Variants in PCDH11Y observed in about 807,000 individuals in gnomAD.
PCDH11Y encodes the protein protocadherin-11 Y-linked.
For missense variants in PCDH11Y, 12 were observed against 224.8 expected (o/e 0.05, Z 6.05); for synonymous variants, 9 against 83.6 (o/e 0.11, Z 4.87).
intron 4 of PCDH11Y, among the ~76,000 whole-genome samples, chrY:5,651,790 T>C (rs2053531457): frequency 3.3e-5 from 1 of 29,859 alleles, no homozygotes. Flanking sequence ...TGAGATTTAA[T>C]AATATATTAA....
chrY:5,021,209 G>A, intron 1 of PCDH11Y, among the ~76,000 whole-genome samples: 1 of 33,044 alleles, frequency 3.0e-5, no homozygotes, highest in Non-Finnish European at 7.5e-5. Flanking sequence ...TGATAGTAGG[G>A]AGTTTCAACT....
rs2124689345 is a variant in PCDH11Y, at chrY:5,514,370, G to C, written c.3328+13115G>C. The stretch of plus-strand genomic sequence containing the variant: ...AACCATCCAAAGTTTCCCCAGAGAT[G>C]AATAGTTTCACATCTTACAATAGCA... On this transcript the variant is annotated intron_variant, in intron 3 of 4. Coordinates refer to the PCDH11Y transcript ENST00000400457. 9.6e-5 allele frequency among the ~76,000 whole-genome samples: 3 copies of C among 31,406 alleles called. No individual in the cohort carries two copies. The East Asian group carries it at 2.5e-3, about 26-fold the overall frequency. The allele number at this position is 31,406 out of a possible 37,273, so 84.3% of individuals were successfully genotyped here.
At chrY:5,402,695 C>T (rs2124677208) in intron 2 of PCDH11Y, among the ~76,000 whole-genome samples, 1 of 17,797 alleles carries the variant, frequency 5.6e-5, no homozygotes, top group South Asian at 1.6e-3. Context: ...CTTGCTCTGT[C>T]GCCCAGGCTG....
chrY:5,451,320 A>C, intron 2 of PCDH11Y, among the ~76,000 whole-genome samples: 1 of 32,652 alleles, frequency 3.1e-5, no homozygotes, highest in Non-Finnish European at 7.6e-5. Flanking sequence ...GGAAATTTGC[A>C]TTTGTTAATT....
At chrY:5,018,640 A>G (rs765609556) in intron 1 of PCDH11Y, among the ~76,000 whole-genome samples, 640 of 30,594 alleles carry the variant, frequency 0.021, no homozygotes, top group Middle Eastern at 0.034. Context: ...TCAATCAATT[A>G]TTTTAACTGA....
intron 2 of PCDH11Y, among the ~76,000 whole-genome samples, chrY:5,244,143 A>C: frequency 3.0e-5 from 1 of 33,733 alleles, no homozygotes; most frequent in East Asian, 8.0e-4. Context: ...ATTACATGGA[A>C]ACTGAATAAC....
intron 4 of PCDH11Y, among the ~76,000 whole-genome samples, chrY:5,611,725 T>A (rs2124701008): frequency 2.2e-4 from 6 of 27,809 alleles, no homozygotes; most frequent in South Asian, 9.3e-4. Context: ...CCGGCTGCTT[T>A]GTTTACCTAA....
chrY:5,530,928 T>G (rs2053392406), intron 3 of PCDH11Y, among the ~76,000 whole-genome samples: 2 of 31,570 alleles, frequency 6.3e-5, no homozygotes, highest in Non-Finnish European at 1.5e-4. Context: ...CAAAATCACT[T>G]TGGTTTATAG....
intron 2 of PCDH11Y, among the ~76,000 whole-genome samples, chrY:5,353,715 C>T: frequency 6.2e-5 from 2 of 32,121 alleles, no homozygotes; most frequent in Admixed American, 2.9e-4. Context: ...AAGTCTTTTC[C>T]CAGGCCAGGC....
intron 2 of PCDH11Y, among the ~76,000 whole-genome samples, chrY:5,344,346 G>T (rs2053149723): frequency 2.1e-4 from 7 of 33,215 alleles, no homozygotes; most frequent in Non-Finnish European, 3.7e-4. Flanking sequence ...ACATTTAATT[G>T]TTTATCTGTG....
rs2053227191 is a variant in PCDH11Y, at chrY:5,396,261, C to T, written c.3130-104796C>T. Among the ~76,000 whole-genome samples the T allele has an allele frequency of 1.2e-4, 4 of 34,749 alleles. No individual in the cohort carries two copies. In the South Asian group the frequency reaches 2.5e-3, roughly 22 times the overall value. The allele number at this position is 34,749 out of a possible 37,273, so 93.2% of individuals were successfully genotyped here. ...ATCCACTGTGCCCGGCCAAGCCTAG[C>T]TAATTTTTAAGTTTTACTTCTTTTG... On this transcript the variant is annotated intron_variant, in intron 2 of 4. Coordinates refer to the PCDH11Y transcript ENST00000400457.
At chrY:5,397,241 C>A in intron 2 of PCDH11Y, among the ~76,000 whole-genome samples, 1 of 32,949 alleles carries the variant, frequency 3.0e-5, no homozygotes, top group Non-Finnish European at 7.4e-5. Context: ...TTATTACATT[C>A]ATTCCTAAGT....
chrY:5,591,528 T>G (rs1602947694), intron 4 of PCDH11Y, among the ~76,000 whole-genome samples: 1 of 32,550 alleles, frequency 3.1e-5, no homozygotes, highest in East Asian at 8.1e-4. Flanking sequence ...TCATTTTCCT[T>G]CAGTTCAGCT....
chrY:5,730,556 A>G (rs2124715122), intron 4 of PCDH11Y, among the ~76,000 whole-genome samples: 1 of 33,108 alleles, frequency 3.0e-5, no homozygotes, highest in South Asian at 6.7e-4. Context: ...ATGAATCGAC[A>G]TAGGTTATCA....
At chrY:5,434,880 A>G in intron 2 of PCDH11Y, among the ~76,000 whole-genome samples, 1 of 33,071 alleles carries the variant, frequency 3.0e-5, no homozygotes, top group Non-Finnish European at 7.4e-5. Flanking sequence ...CTGCAGGCTG[A>G]GAAGCATGCC....
intron 2 of PCDH11Y, among the ~76,000 whole-genome samples, chrY:5,448,805 C>T (rs2053289944): frequency 3.0e-5 from 1 of 32,966 alleles, no homozygotes; most frequent in African/African-American, 1.2e-4. Flanking sequence ...TGCCATGTGC[C>T]ATAGATTAAG....
intron 3 of PCDH11Y, among the ~76,000 whole-genome samples, chrY:5,547,139 G>A: frequency 3.1e-5 from 1 of 31,940 alleles, no homozygotes; most frequent in Admixed American, 2.9e-4. Context: ...TGGGATCCAA[G>A]GGGGATTATT....
intron 3 of PCDH11Y, among the ~76,000 whole-genome samples, chrY:5,043,826 G>A (rs1602845783): frequency 9.2e-5 from 3 of 32,769 alleles, no homozygotes; most frequent in South Asian, 6.9e-4. Context: ...AACTTCTTCC[G>A]GTTTAGTCTT....
intron 4 of PCDH11Y, among the ~76,000 whole-genome samples, chrY:5,600,513 A>G: frequency 9.1e-5 from 3 of 32,844 alleles, no homozygotes; most frequent in Non-Finnish European, 7.4e-5. Flanking sequence ...TAAACTTTAC[A>G]AACTTAATAC....
Sources: gnomAD v4.1 joint callset for allele counts (sites outside exome capture counted in the v4.1 genomes callset) on GRCh38, gnomAD v4.1.1 for gene constraint, MANE v1.5 for transcripts, NCBI Gene and HGNC (gene_info 2026-07-23, HGNC 2026-07-21) for gene names.